The following OTOP3 variants were observed in gnomAD, a reference collection of about 807,000 sequenced individuals.
OTOP3 encodes the protein otopetrin 3, also known as proton channel OTOP3.
OTOP3 carries 41 observed loss-of-function variants against 50.8 expected under a neutral mutation model. The ratio of observed to expected loss-of-function variants is 0.81; its 90% CI spans 0.63 to 1.05. The LOEUF is 1.05. Ranked by LOEUF, OTOP3 falls within the 50% of genes least tolerant of loss-of-function variation. OTOP3 has a pLI of 0.00. For synonymous variants in OTOP3, 320 were observed against 324.4 expected (o/e 0.99, Z 0.14); for missense variants, 788 against 760.8 (o/e 1.04, Z -0.42).
intron 1 of OTOP3, among the ~76,000 whole-genome samples, chr17:74,936,304 A>G (rs899923569): frequency 3.9e-5 from 6 of 152,090 alleles, no homozygotes; most frequent in Non-Finnish European, 7.4e-5. Flanking sequence ...CCGGCCCCGC[A>G]GTCCCTAAAA....
Position 74,949,534 on chromosome 17 carries a change from C to T in OTOP3, c.*118C>T. 8.4e-7 allele frequency: 1 copy of T among 1,192,724 alleles called. No homozygotes were observed. Among genetic ancestry groups the T allele is most frequent in the Non-Finnish European group, 1.2e-6 (1 of 864,692 alleles). 73.9% of individuals were successfully genotyped at this position (1,192,724 alleles called of 1,614,324 possible). A position where few individuals can be genotyped will look rare whatever the true frequency, so the allele number is the denominator to read the frequency against. The stretch of plus-strand genomic sequence containing the variant: ...GACCAGCCTGAGGCTCTCAAGGCCT[C>T]CTGCTCCCCAGAGCCTCACTGAAGG... On this transcript the variant is annotated 3_prime_UTR_variant, in exon 7 of 7. Coordinates refer to ENST00000328801, the MANE Select transcript of OTOP3 (RefSeq NM_001272005.2).
At chr17:74,940,122 CACACACACACAT>C (rs201123702) in intron 1 of OTOP3, among the ~76,000 whole-genome samples, 7,562 of 140,740 alleles carry the variant, frequency 0.054, 479 homozygotes, top group East Asian at 0.3. Flanking sequence ...CACACACACA[CACACACACACAT>C]ACATATATAC....
In OTOP3 at chr17:74,947,252, T is replaced by G. The variant is rs2039237797; in HGVS notation, c.1343T>G (p.Leu448Arg). The change falls in exon 6 of 7, where the codon CTC becomes CGC. Residue 448 changes from leucine to arginine, a missense_variant. Transcript: ENST00000328801. Reference sequence around the variant, plus strand: ...ATCCTGCAGCACATCGCTCAGAACCTCTTCATCATCGAGGGCCTGCACCGG... The same window carrying G: ...ATCCTGCAGCACATCGCTCAGAACCGCTTCATCATCGAGGGCCTGCACCGG... ...LLILQHIAQNLFIIEGLHRRP... is the reference protein window; with the variant it reads ...LLILQHIAQNRFIIEGLHRRP... The G allele has an allele frequency of 1.2e-6, 2 of 1,613,818 alleles. No homozygotes were observed. The highest frequency in any genetic ancestry group is 1.3e-5 in the African/African-American group (1 of 75,050).
At chr17:74,944,350 A>G (rs965787967) in intron 5 of OTOP3, among the ~76,000 whole-genome samples, 3 of 152,192 alleles carry the variant, frequency 2.0e-5, no homozygotes, top group Non-Finnish European at 2.9e-5. Flanking sequence ...CCGCTGCATC[A>G]GTCACGACAC....
chr17:74,941,738 T>A lies in OTOP3; in HGVS notation c.365T>A (p.Val122Glu). 1 of 1,612,224 alleles carries A rather than the reference T, an allele frequency of 6.2e-7. No individual in the cohort carries two copies. Among genetic ancestry groups the A allele is most frequent in the Non-Finnish European group, 8.5e-7 (1 of 1,179,262 alleles). Residue 122 changes from valine to glutamate, a missense_variant, in exon 2 of 7, where the codon GTG becomes GAG. Coordinates refer to ENST00000328801, the MANE Select transcript of OTOP3 (RefSeq NM_001272005.2). ...TCCCTGCTTTGGCTTCTCTACTATG[T>A]GGCAAGCACCACCCGCCGACCACAC... ...VLSLLWLLYY[V>E]ASTTRRPHAV...
chr17:74,939,698 C>A (rs1333555220), intron 1 of OTOP3, among the ~76,000 whole-genome samples: 1 of 152,056 alleles, frequency 6.6e-6, no homozygotes. Context: ...GGGTAACGAT[C>A]GTGTTTCCTA....
In OTOP3 at chr17:74,941,383, C is replaced by A; in HGVS notation, c.20-10C>A. On this transcript the variant is annotated splice_polypyrimidine_tract_variant and intron_variant, in intron 1 of 6. Transcript: ENST00000328801. Reference sequence around the variant, plus strand: ...TGGCAGTTAACCCAGGACCCTTTCTCCATCTCCAGCCCCTGCTGAGGCTAC... The same window carrying A: ...TGGCAGTTAACCCAGGACCCTTTCTACATCTCCAGCCCCTGCTGAGGCTAC... 2.0e-6 allele frequency: 3 copies of A among 1,476,620 alleles called. No homozygotes were observed. The highest frequency in any genetic ancestry group is 2.7e-6 in the Non-Finnish European group (3 of 1,111,282). The allele number at this position is 1,476,620 out of a possible 1,614,324, so 91.5% of individuals were successfully genotyped here.
intron 1 of OTOP3, among the ~76,000 whole-genome samples, chr17:74,939,908 A>C (rs1286614273): frequency 2.0e-5 from 3 of 152,032 alleles, no homozygotes; most frequent in Non-Finnish European, 2.9e-5. Context: ...AAATTATTTT[A>C]TTTATGTATT....
In OTOP3 at chr17:74,946,829, C is replaced by G; in HGVS notation, c.920C>G (p.Ala307Gly). 10 of 1,611,014 alleles carry G rather than the reference C, an allele frequency of 6.2e-6. No homozygotes were observed. Among genetic ancestry groups the G allele is most frequent in the Non-Finnish European group, 8.5e-6 (10 of 1,180,024 alleles). The change falls in exon 6 of 7, where the codon GCC becomes GGC. Residue 307 changes from alanine (A) to glycine (G), a missense_variant. Transcript: ENST00000328801. ...CGCCACGTGGCACCCCACATGGGTG[C>G]CCACCCTGCCACCGCACCCTTCCAC... ...VGRHVAPHMG[A>G]HPATAPFHLH... is the part of the protein sequence containing the mutation.
chr17:74,939,249 G>A (rs1423232599), intron 1 of OTOP3, among the ~76,000 whole-genome samples: 1 of 152,090 alleles, frequency 6.6e-6, no homozygotes, highest in African/African-American at 2.4e-5. Context: ...GAGAATGCAA[G>A]GGATGAGGGG....
intron 1 of OTOP3, among the ~76,000 whole-genome samples, chr17:74,936,960 C>G (rs374866397): frequency 7.6e-5 from 3 of 39,446 alleles, no homozygotes; most frequent in East Asian, 1.3e-3. Flanking sequence ...ACCCCCCCAC[C>G]CTTTTTTTTT....
At chr17:74,939,694 C>T (rs941676215) in intron 1 of OTOP3, among the ~76,000 whole-genome samples, 4 of 152,026 alleles carry the variant, frequency 2.6e-5, no homozygotes, top group South Asian at 2.1e-4. Flanking sequence ...AGGAGGGTAA[C>T]GATCGTGTTT....
chr17:74,946,615 A>G, intron 5 of OTOP3, 46 bp from the exon 6 acceptor site: 1 of 1,525,990 alleles, frequency 6.6e-7, no homozygotes. Context: ...TCCTCAGAGC[A>G]GAGCCTGCCT....
intron 6 of OTOP3, 118 bp downstream of exon 6, chr17:74,947,593 G>C: frequency 9.6e-7 from 1 of 1,036,512 alleles, no homozygotes. Context: ...GATGCTGCTT[G>C]AGAGTGTCCC....
At chr17:74,937,208 G>A (rs771040377) in intron 1 of OTOP3, among the ~76,000 whole-genome samples, 5 of 152,116 alleles carry the variant, frequency 3.3e-5, no homozygotes, top group South Asian at 2.1e-4. Context: ...CAAGGGATCC[G>A]CTCACCTCAG....
chr17:74,948,567 C>T (rs765129730), intron 6 of OTOP3, among the ~76,000 whole-genome samples: 6 of 151,982 alleles, frequency 3.9e-5, no homozygotes, highest in African/African-American at 9.7e-5. Flanking sequence ...GGCTGAGGCA[C>T]GAGAATTGCT....
Position 74,947,020 on chromosome 17 carries a change from G to A in OTOP3, c.1111G>A (p.Ala371Thr), listed in dbSNP as rs1198653196. Residue 371 changes from alanine to threonine, a missense_variant, in exon 6 of 7, where the codon GCG becomes ACG. By Grantham distance (58) the Ala-to-Thr change is moderately conservative. Transcript: ENST00000328801. ...GGCTGTGCTGCCCACCATGAGTCTG[G>A]CGTGCCTGGCGGGCACAGCCATACA... ...YVAVLPTMSL[A>T]CLAGTAIHGL... 6.2e-7 allele frequency: 1 copy of A among 1,613,948 alleles called. No individual in the cohort carries two copies. The highest frequency in any genetic ancestry group is 2.2e-5 in the East Asian group (1 of 44,888).
chr17:74,946,974 C>G lies in OTOP3; in HGVS notation c.1065C>G (p.Thr355=), dbSNP rs1172376332. The change falls in exon 6 of 7, where the codon ACC becomes ACG. Residue 355 remains threonine, a synonymous_variant. Coordinates refer to ENST00000328801, the MANE Select transcript of OTOP3 (RefSeq NM_001272005.2). ...CTGCCATTGCTTGCCAGTACTTCAC[C>G]CTCTACTATGCCTTCTATGTGGCTG... The part of the protein sequence containing the change: ...SGPAIACQYF[T]LYYAFYVAVL... 3 of 1,613,694 alleles carry G rather than the reference C, an allele frequency of 1.9e-6. No individual in the cohort carries two copies. The South Asian group carries it at 3.3e-5, about 18-fold the overall frequency.
intron 4 of OTOP3, 127 bp from the exon 5 acceptor site, chr17:74,943,479 G>C: frequency 7.5e-7 from 1 of 1,329,510 alleles, no homozygotes; most frequent in Non-Finnish European, 1.1e-6. Context: ...TTGTGTCCTA[G>C]TGCCAGTGTG....
Sources: allele counts gnomAD v4.1 joint callset (sites outside exome capture counted in the v4.1 genomes callset), GRCh38; gene constraint gnomAD v4.1.1; transcripts MANE v1.5; gene names NCBI Gene and HGNC (gene_info 2026-07-23, HGNC 2026-07-21).